Variants in NUP205 observed in about 807,000 individuals in gnomAD.
The protein encoded by NUP205 is nuclear pore complex protein Nup205.
Under a neutral mutation model 253.8 loss-of-function variants are expected in NUP205, and 76 were observed. The ratio of observed to expected loss-of-function variants is 0.30; its 90% CI spans 0.25 to 0.36. NUP205 has a LOEUF of 0.36. Ranked by LOEUF, NUP205 falls within the 10% of genes least tolerant of loss-of-function variation. NUP205 has a pLI of 1.00. For missense variants in NUP205, 2,162 were observed against 2,425.5 expected (o/e 0.89, Z 2.28); for synonymous variants, 832 against 850.1 (o/e 0.98, Z 0.37).
At chr7:135,592,879 T>G in intron 11 of NUP205, 108 bp from the exon 12 acceptor site, 1 of 820,852 alleles carries the variant, frequency 1.2e-6, no homozygotes, top group Non-Finnish European at 1.9e-6. Flanking sequence ...AGTGAGACTC[T>G]ATCTCAAAAA....
At chr7:135,645,371 A>C in intron 40 of NUP205, 97 bp from the exon 41 acceptor site, 1 of 1,248,654 alleles carries the variant, frequency 8.0e-7, no homozygotes, top group Non-Finnish European at 1.1e-6. Context: ...GTACCTCATT[A>C]AGTGAGTGCA....
rs184804368 is a variant in NUP205 at position 135,633,976 on chromosome 7, T to A, written c.5060-1605T>A. 2.2e-4 allele frequency among the ~76,000 whole-genome samples: 34 copies of A among 152,382 alleles called. No homozygotes were observed. In the Middle Eastern group the frequency reaches 0.017, roughly 76 times the overall value. On this transcript the variant is annotated intron_variant, in intron 35 of 42. Transcript: ENST00000285968. ...TTTGTCTTAAACGCTCCCATTAGATTGCAGTTCTGTTTGTAACTTTGTATC... is the reference window on the plus strand; with the variant it reads ...TTTGTCTTAAACGCTCCCATTAGATAGCAGTTCTGTTTGTAACTTTGTATC...
At chr7:135,574,443 T>G (rs79471880) in intron 3 of NUP205, among the ~76,000 whole-genome samples, 3,817 of 152,236 alleles carry the variant, frequency 0.025, 79 homozygotes, top group South Asian at 0.077. Context: ...TCTAAGATGG[T>G]GTCATTTGCC....
intron 35 of NUP205, among the ~76,000 whole-genome samples, chr7:135,634,557 G>C (rs961890029): frequency 6.6e-6 from 1 of 152,156 alleles, no homozygotes; most frequent in African/African-American, 2.4e-5. Context: ...TCCAAAAATT[G>C]ATACTAACCA....
intron 1 of NUP205, among the ~76,000 whole-genome samples, chr7:135,558,617 C>T (rs548474428): frequency 2.0e-5 from 3 of 152,248 alleles, no homozygotes; most frequent in South Asian, 2.1e-4. Flanking sequence ...GATCCTCTTT[C>T]GGTGATTCTC....
chr7:135,614,547 G>A (rs764224581), intron 23 of NUP205, among the ~76,000 whole-genome samples: 1 of 152,040 alleles, frequency 6.6e-6, no homozygotes, highest in African/African-American at 2.4e-5. Context: ...AAATTAATGG[G>A]AATTTAAAGT....
chr7:135,565,436 ATTT>A (rs199668430), intron 1 of NUP205, among the ~76,000 whole-genome samples: 1 of 134,784 alleles, frequency 7.4e-6, no homozygotes, highest in East Asian at 2.2e-4. Context: ...CCATTTTCTT[ATTT>A]TTTTTTTTTT....
chr7:135,562,411 G>C (rs554589557), intron 1 of NUP205, among the ~76,000 whole-genome samples: 1 of 151,788 alleles, frequency 6.6e-6, no homozygotes, highest in East Asian at 1.9e-4. Flanking sequence ...TTGGCCAGGG[G>C]TGCCTCGAAT....
At position 135,643,195 on chromosome 7, in the gene NUP205, C is replaced by A. The variant is rs778364073; in HGVS notation, c.5396C>A (p.Thr1799Asn). Residue 1799 changes from threonine (T) to asparagine (N), a missense_variant, in exon 39 of 43, where the codon ACC (threonine) becomes AAC (asparagine). This residue lies in a region of NUP205 where 1,144 missense variants were observed against 1,280.9 expected (regional missense o/e 0.89). Coordinates refer to ENST00000285968, the MANE Select transcript of NUP205 (RefSeq NM_015135.3). Reference protein sequence around the residue: ...TVNRDGPRQDTQAPVVPYWRL... With the variant: ...TVNRDGPRQDNQAPVVPYWRL... ...TTTATGTCATCACCTCTATTAGATA[C>A]CCAAGCTCCAGTGGTTCCATACTGG... 2 of 1,613,394 alleles carry A rather than the reference C, an allele frequency of 1.2e-6. No homozygotes were observed. The highest frequency in any genetic ancestry group is 1.1e-5 in the South Asian group (1 of 91,020).
rs928689709 is a variant in NUP205, at chr7:135,609,647, C to CA, written c.3195+2289dup. ...TGGGCAACAGAGCGAGACCCCATCT[C>CA]AAAAAAAAAAAAAGAAATGCATCAC... On this transcript the variant is annotated intron_variant, in intron 22 of 42. Transcript: ENST00000285968. Among the ~76,000 whole-genome samples, 212 of 133,964 alleles carry CA rather than the reference C, an allele frequency of 1.6e-3. 2 individuals are homozygous for CA. In the South Asian group the frequency reaches 0.016, roughly 10 times the overall value. 87.9% of individuals were successfully genotyped at this position (133,964 alleles called of 152,430 possible). A position where few individuals can be genotyped will look rare whatever the true frequency, so the allele number is the denominator to read the frequency against.
chr7:135,589,039 A>G (rs1181464120), intron 10 of NUP205, among the ~76,000 whole-genome samples: 2 of 150,794 alleles, frequency 1.3e-5, no homozygotes, highest in African/African-American at 2.4e-5. Context: ...TCGGTGTGCT[A>G]TCATGAGCCT....
At position 135,598,064 on chromosome 7, in the gene NUP205, A is replaced by G; in HGVS notation, c.2131A>G (p.Ile711Val). The G allele has an allele frequency of 2.5e-6, 4 of 1,614,078 alleles. No homozygotes were observed. Among genetic ancestry groups the G allele is most frequent in the Admixed American group, 1.7e-5 (1 of 60,002 alleles). Reference sequence around the variant, plus strand: ...ATTGACTCGGGCCTTTTGCCAGCTTATTAGTACTCTGGTGGAGAGCTCATT... The same window carrying G: ...ATTGACTCGGGCCTTTTGCCAGCTTGTTAGTACTCTGGTGGAGAGCTCATT... ...YPLTRAFCQL[I>V]STLVESSFPS... Residue 711 changes from isoleucine to valine, a missense_variant, in exon 15 of 43, where the codon ATT (isoleucine) becomes GTT (valine). This residue lies in a region of NUP205 where 892 missense variants were observed against 957.1 expected (regional missense o/e 0.93). Coordinates refer to ENST00000285968, the MANE Select transcript of NUP205 (RefSeq NM_015135.3).
Position 135,587,779 on chromosome 7 carries a change from T to C in NUP205, c.1336-76T>C, listed in dbSNP as rs562035196. On this transcript the variant is annotated intron_variant, in intron 9 of 42. Coordinates refer to ENST00000285968, the MANE Select transcript of NUP205 (RefSeq NM_015135.3). The stretch of plus-strand genomic sequence containing the variant: ...TTGGAAAATTTCAGGTGTAATACTT[T>C]AAATGTCCTTTTTTTTATTGAAAGT... 25 of 1,538,970 alleles carry C rather than the reference T, an allele frequency of 1.6e-5. No homozygotes were observed. The African/African-American group carries it at 2.9e-4, about 18-fold the overall frequency.
At chr7:135,617,790 C>A in intron 27 of NUP205, 108 bp downstream of exon 27, 2 of 550,934 alleles carry the variant, frequency 3.6e-6, no homozygotes, top group Non-Finnish European at 6.3e-6. Flanking sequence ...AGTAAGCTGC[C>A]TAAAAATTAA....
At chr7:135,621,978 A>G (rs1794478174) in intron 30 of NUP205, among the ~76,000 whole-genome samples, 2 of 151,798 alleles carry the variant, frequency 1.3e-5, no homozygotes, top group Admixed American at 6.6e-5. Context: ...AATTTTTTGT[A>G]TTTTTAGTAG....
At chr7:135,626,461 T>G (rs1320016891) in intron 33 of NUP205, 100 bp downstream of exon 33, 16 of 1,331,486 alleles carry the variant, frequency 1.2e-5, no homozygotes, top group Non-Finnish European at 1.6e-5. Context: ...CAATTCTCTT[T>G]CATCTTGGTG....
chr7:135,618,288 T>C, intron 27 of NUP205, 124 bp from the exon 28 acceptor site: 1 of 756,068 alleles, frequency 1.3e-6, no homozygotes, highest in South Asian at 1.7e-5. Context: ...TGAAATAATA[T>C]GAAAAGATAC....
In NUP205 at chr7:135,598,023, G is replaced by T. The variant is rs771343435; in HGVS notation, c.2090G>T (p.Arg697Leu). 1 of 1,613,878 alleles carries T rather than the reference G, an allele frequency of 6.2e-7. No homozygotes were observed. Among genetic ancestry groups the T allele is most frequent in the Non-Finnish European group, 8.5e-7 (1 of 1,179,874 alleles). ...GTTGAACTAAATGAAATAGAATCCC[G>T]GTGTGAAGAATACCCATTGACTCGG... is the stretch of plus-strand genomic sequence containing the variant. ...IEVELNEIESRCEEYPLTRAF... is the reference protein window; with the variant it reads ...IEVELNEIESLCEEYPLTRAF... Residue 697 changes from arginine (R) to leucine (L), a missense_variant, in exon 15 of 43, where the codon CGG (arginine) becomes CTG (leucine). By Grantham distance (102) the Arg-to-Leu change is moderately radical (BLOSUM62 -2). Around this residue, in one of 5 missense-constraint regions of NUP205, gnomAD observed 892 missense variants for 957.1 expected, o/e 0.93. Coordinates refer to ENST00000285968, the MANE Select transcript of NUP205 (RefSeq NM_015135.3).
intron 7 of NUP205, among the ~76,000 whole-genome samples, chr7:135,579,135 C>T (rs1451843314): frequency 6.6e-6 from 1 of 152,112 alleles, no homozygotes; most frequent in African/African-American, 2.4e-5. Flanking sequence ...CTTGGAGCCA[C>T]TGACAATGCT....
Sources: allele counts gnomAD v4.1 joint callset (sites outside exome capture counted in the v4.1 genomes callset), GRCh38; gene constraint gnomAD v4.1.1; regional missense constraint gnomAD v4.1.1; transcripts MANE v1.5; gene names NCBI Gene and HGNC (gene_info 2026-07-23, HGNC 2026-07-21).